Variants in TSNARE1 observed in about 807,000 individuals in gnomAD.
TSNARE1 encodes the protein t-SNARE domain containing 1.
In TSNARE1, 49 loss-of-function variants were observed where a neutral mutation model predicts 62.0. The ratio of observed to expected loss-of-function variants is 0.79; its 90% confidence interval spans 0.63 to 1.00. The LOEUF is 1.00. Among genes scored for constraint, TSNARE1 ranks in the 50% least tolerant of loss-of-function variants. The pLI is 0.00. For synonymous variants in TSNARE1, 328 were observed against 294.4 expected (o/e 1.11, Z -1.17); for missense variants, 755 against 700.1 (o/e 1.08, Z -0.88).
Position 142,223,125 on chromosome 8 carries a change from CTCAT to C in TSNARE1, c.*11+6344_*11+6347del, listed in dbSNP as rs374604339. 3.4e-3 allele frequency among the ~76,000 whole-genome samples: 66 copies of C among 19,300 alleles called. 1 individual carries two copies. Among genetic ancestry groups the C allele is most frequent in the African/African-American group, 6.8e-3 (56 of 8,176 alleles). The allele number at this position is 19,300 out of a possible 152,430, so 12.7% of individuals were successfully genotyped here. A position where few individuals can be genotyped will look rare whatever the true frequency, so the allele number is the denominator to read the frequency against. ...ATTCACTCACTCGTTCACTCATTCA[CTCAT>C]TCACTCATTCACTCATCCACTCACT... On this transcript the variant is annotated intron_variant, in intron 13 of 13. Transcript: ENST00000524325.
chr8:142,234,082 T>C (rs1198542660), intron 12 of TSNARE1, among the ~76,000 whole-genome samples: 2 of 152,162 alleles, frequency 1.3e-5, no homozygotes, highest in South Asian at 2.1e-4. Context: ...ACCCCAATCA[T>C]GGAGGCCGGG....
chr8:142,244,917 CAG>C (rs1201514113), intron 12 of TSNARE1, among the ~76,000 whole-genome samples: 9 of 152,304 alleles, frequency 5.9e-5, no homozygotes, highest in African/African-American at 2.2e-4. Flanking sequence ...CGTGTAGACT[CAG>C]AGAGTGTTGG....
rs577600694 is a variant in TSNARE1, at chr8:142,325,559, C to A, written c.893+5342G>T. On this transcript the variant is annotated intron_variant, in intron 6 of 13. Transcript: ENST00000524325. ...GAGGAGTGGACAGGCCAGCCCACGA[C>A]CGGTGAGGGCAGGGTGGCGTGGGGT... Among the ~76,000 whole-genome samples, 15 of 152,242 alleles carry A rather than the reference C, an allele frequency of 9.9e-5. No homozygotes were observed. The South Asian group carries it at 3.1e-3, about 32-fold the overall frequency.
chr8:142,230,767 ACCATCCATCCATCCAT>A (rs71313213), intron 12 of TSNARE1, among the ~76,000 whole-genome samples: 6 of 148,586 alleles, frequency 4.0e-5, no homozygotes, highest in South Asian at 2.2e-4. Flanking sequence ...CATTAATGCA[ACCATCCATCCATCCAT>A]CCATCCATCC....
chr8:142,343,492 G>A lies in TSNARE1; in HGVS notation c.745+474C>T, dbSNP rs1232618568. On this transcript the variant is annotated intron_variant, in intron 4 of 13. Coordinates refer to ENST00000524325, the MANE Select transcript of TSNARE1 (RefSeq NM_145003.5). The stretch of plus-strand genomic sequence containing the variant: ...GGCAAATGCCCTTCTCGCCACGGCC[G>A]TGGTCCCAGTGTGTGACTGGGTGAT... Among the ~76,000 whole-genome samples, 6 of 151,766 alleles carry A rather than the reference G, an allele frequency of 4.0e-5. No individual in the cohort carries two copies. In the South Asian group the frequency reaches 6.3e-4, roughly 16 times the overall value.
intron 12 of TSNARE1, among the ~76,000 whole-genome samples, chr8:142,260,478 C>A (rs1818803110): frequency 3.9e-5 from 6 of 152,292 alleles, no homozygotes; most frequent in African/African-American, 1.4e-4. Context: ...GGCCGGGGCC[C>A]ACGGCCAGGG....
intron 12 of TSNARE1, among the ~76,000 whole-genome samples, chr8:142,254,476 C>T (rs1056224999): frequency 1.3e-5 from 2 of 152,214 alleles, no homozygotes; most frequent in African/African-American, 4.8e-5. Context: ...AGCGATGGGC[C>T]TTTAAGCAGC....
chr8:142,263,124 T>C lies in TSNARE1; in HGVS notation c.1446+11657A>G, dbSNP rs1818972525. The stretch of plus-strand genomic sequence containing the variant: ...TGTTTTTAAAGGAGGGCTCCTCATA[T>C]CTCACCGTGAATGTTCGCTGTTGAG... On this transcript the variant is annotated intron_variant, in intron 12 of 13. Transcript: ENST00000524325. Among the ~76,000 whole-genome samples, 3 of 152,208 alleles carry C rather than the reference T, an allele frequency of 2.0e-5. 1 individual carries two copies. In the South Asian group the frequency reaches 6.2e-4, roughly 32 times the overall value.
chr8:142,313,536 G>T (rs1452272224), intron 9 of TSNARE1, among the ~76,000 whole-genome samples: 2 of 148,852 alleles, frequency 1.3e-5, no homozygotes, highest in African/African-American at 5.0e-5. Flanking sequence ...TATCTGCATG[G>T]GTCTGCATGT....
At chr8:142,328,690 G>A (rs149885011) in intron 6 of TSNARE1, among the ~76,000 whole-genome samples, 10 of 152,280 alleles carry the variant, frequency 6.6e-5, no homozygotes, top group South Asian at 2.1e-4. Context: ...AGATCGTGAC[G>A]GCCCCCAGGG....
intron 1 of TSNARE1, among the ~76,000 whole-genome samples, chr8:142,383,462 A>C (rs966053827): frequency 5.9e-5 from 9 of 152,192 alleles, no homozygotes; most frequent in African/African-American, 1.7e-4. Flanking sequence ...CCTCTGTGGG[A>C]GGCCCCAAGC....
At chr8:142,252,356 C>T (rs1032652679) in intron 12 of TSNARE1, among the ~76,000 whole-genome samples, 19 of 152,148 alleles carry the variant, frequency 1.2e-4, no homozygotes, top group African/African-American at 4.1e-4. Flanking sequence ...CCTGGCTGTG[C>T]CCCCCACTGG....
intron 13 of TSNARE1, among the ~76,000 whole-genome samples, chr8:142,213,496 A>C (rs945333844): frequency 4.6e-5 from 7 of 151,992 alleles, no homozygotes; most frequent in African/African-American, 1.7e-4. Context: ...AAAACAAAAA[A>C]CTGAAAACCC....
At chr8:142,246,078 C>T (rs946807409) in intron 12 of TSNARE1, among the ~76,000 whole-genome samples, 1 of 152,218 alleles carries the variant, frequency 6.6e-6, no homozygotes, top group Non-Finnish European at 1.5e-5. Flanking sequence ...GAGCTAAGGA[C>T]TTCCCAGCAG....
intron 8 of TSNARE1, 29 bp downstream of exon 8, chr8:142,314,974 G>A: frequency 6.2e-7 from 1 of 1,610,782 alleles, no homozygotes; most frequent in Non-Finnish European, 8.5e-7. Context: ...CTGGCCTGCA[G>A]ACCCCCACTG....
intron 12 of TSNARE1, among the ~76,000 whole-genome samples, chr8:142,251,227 C>G (rs1168314968): frequency 6.6e-6 from 1 of 152,056 alleles, no homozygotes; most frequent in Non-Finnish European, 1.5e-5. Context: ...TCTCCAGACC[C>G]CGGCCCCCCT....
At chr8:142,233,152 C>A (rs553733789) in intron 12 of TSNARE1, among the ~76,000 whole-genome samples, 1 of 152,334 alleles carries the variant, frequency 6.6e-6, no homozygotes, top group South Asian at 2.1e-4. Flanking sequence ...CATCCATGAC[C>A]TGAGTAGACT....
chr8:142,368,320 T>C (rs984970806), intron 1 of TSNARE1, among the ~76,000 whole-genome samples: 1 of 152,068 alleles, frequency 6.6e-6, no homozygotes, highest in African/African-American at 2.4e-5. Context: ...GATATAAAAC[T>C]GGTGCTTAAA....
At chr8:142,336,095 C>T (rs956295528) in intron 4 of TSNARE1, among the ~76,000 whole-genome samples, 1 of 152,028 alleles carries the variant, frequency 6.6e-6, no homozygotes, top group African/African-American at 2.4e-5. Context: ...TCAGCCTGGG[C>T]CACACAGTGA....
Sources: gnomAD v4.1 joint callset for allele counts (sites outside exome capture counted in the v4.1 genomes callset) on GRCh38, gnomAD v4.1.1 for gene constraint, MANE v1.5 for transcripts, NCBI Gene and HGNC (gene_info 2026-07-23, HGNC 2026-07-21) for gene names.